Variants in CPNE8 observed in about 807,000 individuals in gnomAD.
The protein encoded by CPNE8 is copine 8.
CPNE8 carries 45 observed loss-of-function variants against 81.5 expected under a neutral mutation model. That is an observed-to-expected ratio of 0.55 (90% CI 0.44 to 0.71). The LOEUF is 0.71. Among genes scored for constraint, CPNE8 ranks in the 30% least tolerant of loss-of-function variants. The probability of loss-of-function intolerance (pLI) is 0.00; values close to 1 mark genes in which losing one functional copy is unlikely to be tolerated. For synonymous variants in CPNE8, 252 were observed against 226.3 expected (o/e 1.11, Z -1.02); for missense variants, 594 against 672.1 (o/e 0.88, Z 1.28).
intron 6 of CPNE8, among the ~76,000 whole-genome samples, chr12:38,798,669 T>A (rs903214061): frequency 4.0e-5 from 6 of 151,534 alleles, no homozygotes; most frequent in Admixed American, 6.6e-5. Flanking sequence ...GCTAACATCA[T>A]AATGACAGGA....
rs1944557494 is a variant in CPNE8 at position 38,905,517 on chromosome 12, G to C, written c.18C>G (p.Asn6Lys). 1 of 1,568,256 alleles carries C rather than the reference G, an allele frequency of 6.4e-7. No homozygotes were observed. The highest frequency in any genetic ancestry group is 2.3e-5 in the East Asian group (1 of 42,906). MDSRY[N>K]STAGIGDLNQ... Reference sequence around the variant, plus strand: ...TCAAGTCCCCGATGCCCGCAGTGCTGTTGTAGCGGCTGTCCATATTGGGAG... The same window carrying C: ...TCAAGTCCCCGATGCCCGCAGTGCTCTTGTAGCGGCTGTCCATATTGGGAG... The change falls in exon 1 of 20, where the codon AAC (asparagine) becomes AAG (lysine). Residue 6 changes from asparagine to lysine, a missense_variant. Physicochemically the swap from Asn to Lys is moderately conservative, Grantham distance 94 (BLOSUM62 0). Transcript: ENST00000331366.
intron 6 of CPNE8, among the ~76,000 whole-genome samples, chr12:38,787,133 A>G (rs56344858): frequency 0.3 from 45,116 of 152,042 alleles, 8,464 homozygotes; most frequent in Non-Finnish European, 0.41. Context: ...GAACCTTTTC[A>G]TCCAACAGCT....
In CPNE8 at chr12:38,707,152, G is replaced by A. The variant is rs138167917; in HGVS notation, c.915-4231C>T. ...AACATACTGAGACCCAGTCTGTATAGAAATTTTAAAAAATAACCAGGTTGG... is the reference window on the plus strand; with the variant it reads ...AACATACTGAGACCCAGTCTGTATAAAAATTTTAAAAAATAACCAGGTTGG... On this transcript the variant is annotated intron_variant, in intron 13 of 19. Transcript: ENST00000331366. Among the ~76,000 whole-genome samples the A allele has an allele frequency of 2.3e-4, 35 of 152,012 alleles. No homozygotes were observed. The East Asian group carries it at 6.8e-3, about 29-fold the overall frequency.
intron 3 of CPNE8, among the ~76,000 whole-genome samples, chr12:38,858,497 C>G (rs773256270): frequency 6.6e-6 from 1 of 152,228 alleles, no homozygotes; most frequent in Non-Finnish European, 1.5e-5. Context: ...TATTTATACT[C>G]ACTTTTAACT....
intron 1 of CPNE8, among the ~76,000 whole-genome samples, chr12:38,896,326 C>CT (rs1295858409): frequency 6.6e-6 from 1 of 152,082 alleles, no homozygotes; most frequent in African/African-American, 2.4e-5. Context: ...TGTCTGGTAG[C>CT]TAATGGTCCT....
intron 6 of CPNE8, among the ~76,000 whole-genome samples, chr12:38,785,189 GA>G (rs1191300015): frequency 0.036 from 3,513 of 98,004 alleles, 48 homozygotes; most frequent in Middle Eastern, 0.11. Flanking sequence ...CTCTGTCTCT[GA>G]AAAAAAAAAA....
At chr12:38,668,736 C>G (rs921701692) in intron 19 of CPNE8, among the ~76,000 whole-genome samples, 4 of 151,980 alleles carry the variant, frequency 2.6e-5, no homozygotes, top group African/African-American at 9.7e-5. Context: ...GGTGAATAAT[C>G]ATGTGTCTAA....
At chr12:38,835,954 GTATA>G (rs2137034558) in intron 5 of CPNE8, among the ~76,000 whole-genome samples, 1 of 152,202 alleles carries the variant, frequency 6.6e-6, no homozygotes, top group African/African-American at 2.4e-5. Flanking sequence ...TGAAAATTTA[GTATA>G]TAGAGTACAG....
intron 6 of CPNE8, among the ~76,000 whole-genome samples, chr12:38,810,883 G>C (rs944424930): frequency 6.6e-6 from 1 of 152,060 alleles, no homozygotes; most frequent in Non-Finnish European, 1.5e-5. Context: ...TTCCAGCCAG[G>C]AAAGGAAGAT....
intron 6 of CPNE8, among the ~76,000 whole-genome samples, chr12:38,809,435 C>T (rs1391351373): frequency 1.3e-5 from 2 of 152,128 alleles, no homozygotes; most frequent in South Asian, 2.1e-4. Flanking sequence ...ATTAGGTGTA[C>T]CTACATAGAC....
chr12:38,877,751 G>A (rs1944087799), intron 1 of CPNE8, among the ~76,000 whole-genome samples: 1 of 152,054 alleles, frequency 6.6e-6, no homozygotes, highest in Non-Finnish European at 1.5e-5. Flanking sequence ...CTAAAGCCGA[G>A]GCCCAGCCAA....
At chr12:38,797,249 C>G (rs1719859) in intron 6 of CPNE8, among the ~76,000 whole-genome samples, 122,856 of 152,068 alleles carry the variant, frequency 0.81, 51,872 homozygotes, top group Non-Finnish European at 0.92. Context: ...GCCTCCTCAA[C>G]TGCGTCCCTG....
intron 15 of CPNE8, among the ~76,000 whole-genome samples, chr12:38,688,598 G>GGTGTGT (rs56769844): frequency 1.5e-4 from 23 of 148,640 alleles, no homozygotes; most frequent in East Asian, 1.4e-3. Flanking sequence ...AAGAAAATGT[G>GGTGTGT]GTGTGTGTGT....
At chr12:38,776,562 G>C (rs115530017) in intron 6 of CPNE8, among the ~76,000 whole-genome samples, 2 of 151,528 alleles carry the variant, frequency 1.3e-5, no homozygotes, top group Admixed American at 6.6e-5. Flanking sequence ...CGCTCCCCTC[G>C]GCCTCCCAAA....
intron 19 of CPNE8, among the ~76,000 whole-genome samples, chr12:38,660,285 G>A (rs902215569): frequency 1.3e-5 from 2 of 152,150 alleles, no homozygotes; most frequent in African/African-American, 4.8e-5. Context: ...CAATGGAACA[G>A]AACAGAGGCC....
At chr12:38,787,874 A>G (rs1181623803) in intron 6 of CPNE8, among the ~76,000 whole-genome samples, 1 of 151,182 alleles carries the variant, frequency 6.6e-6, no homozygotes, top group Non-Finnish European at 1.5e-5. Context: ...GACATATACA[A>G]TCTACCATGA....
At chr12:38,707,704 C>G (rs1471570842) in intron 13 of CPNE8, among the ~76,000 whole-genome samples, 3 of 152,172 alleles carry the variant, frequency 2.0e-5, no homozygotes, top group Non-Finnish European at 4.4e-5. Flanking sequence ...TTGTCTCATT[C>G]TGCATGTCAG....
chr12:38,836,829 A>G (rs1943388409), intron 5 of CPNE8, among the ~76,000 whole-genome samples: 1 of 152,148 alleles, frequency 6.6e-6, no homozygotes, highest in Non-Finnish European at 1.5e-5. Context: ...ATGCGTCTTT[A>G]CCTAAAATCT....
chr12:38,679,488 T>A (rs68075931), intron 16 of CPNE8: 553 of 573,274 alleles, frequency 9.6e-4, no homozygotes, highest in Admixed American at 6.1e-3. Context: ...ATCTCTTCAC[T>A]TTGAAAACCA....
Sources: gnomAD v4.1 joint callset for allele counts (sites outside exome capture counted in the v4.1 genomes callset) on GRCh38, gnomAD v4.1.1 for gene constraint, MANE v1.5 for transcripts, NCBI Gene and HGNC (gene_info 2026-07-23, HGNC 2026-07-21) for gene names.